The following SERINC5 variants were observed in gnomAD, a reference collection of about 807,000 sequenced individuals.
SERINC5 encodes the protein serine incorporator 5.
SERINC5 carries 41 observed loss-of-function variants against 63.1 expected under a neutral mutation model. The ratio of observed to expected loss-of-function variants is 0.65; its 90% CI spans 0.51 to 0.84. The LOEUF is 0.84. Among genes scored for constraint, SERINC5 ranks in the 40% least tolerant of loss-of-function variants. The pLI is 0.00. For synonymous variants in SERINC5, 222 were observed against 215.2 expected, an observed-to-expected ratio of 1.03 and a Z score of -0.28; for missense variants, 523 against 573.0, an observed-to-expected ratio of 0.91 and a Z score of 0.89.
At chr5:80,173,065 A>C (rs928299224) in intron 5 of SERINC5, among the ~76,000 whole-genome samples, 1 of 151,906 alleles carries the variant, frequency 6.6e-6, no homozygotes, top group Non-Finnish European at 1.5e-5. Flanking sequence ...CCATCCCCCA[A>C]ACCTGCTATT....
chr5:80,188,501 C>G (rs1748975530), intron 2 of SERINC5, among the ~76,000 whole-genome samples: 1 of 151,990 alleles, frequency 6.6e-6, no homozygotes, highest in Non-Finnish European at 1.5e-5. Flanking sequence ...TCTTTCTAGA[C>G]CCTTTGCTGT....
At chr5:80,198,725 C>G (rs1749653098) in intron 2 of SERINC5, 1 of 985,344 alleles carries the variant, frequency 1.0e-6, no homozygotes, top group Non-Finnish European at 1.2e-6. Context: ...AGGTCAGCCT[C>G]TCTTCTGTAG....
At chr5:80,119,353 C>A (rs1425297901) in intron 11 of SERINC5, among the ~76,000 whole-genome samples, 2 of 152,288 alleles carry the variant, frequency 1.3e-5, no homozygotes, top group South Asian at 2.1e-4. Flanking sequence ...ACTGGCTGAA[C>A]CAGTGGCCTA....
intron 6 of SERINC5, among the ~76,000 whole-genome samples, chr5:80,168,856 C>A (rs769119256): frequency 6.6e-6 from 1 of 152,210 alleles, no homozygotes; most frequent in Non-Finnish European, 1.5e-5. Flanking sequence ...AAGGTTAGCA[C>A]ATGGGCCAGC....
rs1748105934 is a variant in SERINC5, at chr5:80,177,404, G to T, written c.375-7C>A. ...AAGTTTAAAGAACCAAAAGCTAGAA[G>T]TGGGGGGAAAAAAAAGAGGAAATGT... On this transcript the variant is annotated splice_polypyrimidine_tract_variant and splice_region_variant and intron_variant, in intron 3 of 11. Transcript: ENST00000507668. 6.2e-7 allele frequency: 1 copy of T among 1,608,522 alleles called. No individual in the cohort carries two copies. The highest frequency in any genetic ancestry group is 1.3e-5 in the African/African-American group (1 of 74,564).
At chr5:80,168,280 C>T (rs891973368) in intron 6 of SERINC5, among the ~76,000 whole-genome samples, 11 of 151,948 alleles carry the variant, frequency 7.2e-5, no homozygotes, top group African/African-American at 2.7e-4. Context: ...CTGCAAGCCC[C>T]GCCTCCCGGG....
At chr5:80,166,316 T>G in intron 7 of SERINC5, 67 bp downstream of exon 7, 1 of 1,086,792 alleles carries the variant, frequency 9.2e-7, no homozygotes, top group Non-Finnish European at 1.4e-6. Flanking sequence ...ATTTAAACAA[T>G]AGCTCATTCC....
At chr5:80,210,750 G>A (rs1750396181) in intron 1 of SERINC5, among the ~76,000 whole-genome samples, 1 of 152,224 alleles carries the variant, frequency 6.6e-6, no homozygotes, top group East Asian at 1.9e-4. Context: ...AGGACAAACT[G>A]CTGGGGAGAA....
chr5:80,175,088 T>C (rs1438644082), intron 4 of SERINC5, 41 bp from the exon 5 acceptor site: 4 of 1,420,172 alleles, frequency 2.8e-6, no homozygotes, highest in Non-Finnish European at 3.9e-6. Flanking sequence ...CAACCTTTCG[T>C]TGTATTTTGC....
At chr5:80,127,636 A>G (rs760087878) in intron 11 of SERINC5, among the ~76,000 whole-genome samples, 2 of 152,100 alleles carry the variant, frequency 1.3e-5, no homozygotes, top group Non-Finnish European at 2.9e-5. Context: ...CTTATATTTT[A>G]TATATTTAAA....
chr5:80,164,908 C>CTTTTTTTTTTTTTT (rs1747171665), intron 7 of SERINC5, among the ~76,000 whole-genome samples: 1 of 89,994 alleles, frequency 1.1e-5, no homozygotes, highest in African/African-American at 5.2e-5. Context: ...AACTTTTTTT[C>CTTTTTTTTTTTTTT]TGTTTTTTTT....
At position 80,148,763 on chromosome 5, in the gene SERINC5, C is replaced by T. The variant is rs147023418; in HGVS notation, c.1054-1479G>A. 1.9e-3 allele frequency among the ~76,000 whole-genome samples: 296 copies of T among 152,208 alleles called. 3 individuals are homozygous for T. Among genetic ancestry groups the T allele is most frequent in the African/African-American group, 5.8e-3 (243 of 41,548 alleles). On this transcript the variant is annotated intron_variant, in intron 9 of 11. Coordinates refer to ENST00000507668, the MANE Select transcript of SERINC5 (RefSeq NM_001174072.3). ...CCTGGGAAGTGCAGGGCCCTTAGCA[C>T]TTTGTGGCTGAAGATATTTCAACTA...
chr5:80,248,134 G>A lies in SERINC5; in HGVS notation c.27+7762C>T, dbSNP rs898978678. Among the ~76,000 whole-genome samples the A allele has an allele frequency of 3.3e-5, 5 of 152,202 alleles. No individual in the cohort carries two copies. In the South Asian group the frequency reaches 8.3e-4, roughly 25 times the overall value. The stretch of plus-strand genomic sequence containing the variant: ...CTGAAAGTGCTGGGATTACAGGCAT[G>A]AGCCACCTTGCCTGGCCTCATGATG... On this transcript the variant is annotated intron_variant, in intron 1 of 11. Coordinates refer to ENST00000507668, the MANE Select transcript of SERINC5 (RefSeq NM_001174072.3).
intron 11 of SERINC5, among the ~76,000 whole-genome samples, chr5:80,117,642 GAAAA>G (rs11431034): frequency 8.0e-6 from 1 of 124,556 alleles, no homozygotes; most frequent in African/African-American, 3.0e-5. Context: ...TGTGGCTACT[GAAAA>G]AAAAAAAAAA....
intron 1 of SERINC5, among the ~76,000 whole-genome samples, chr5:80,219,417 T>C (rs575186562): frequency 2.6e-5 from 4 of 152,312 alleles, no homozygotes; most frequent in African/African-American, 7.2e-5. Context: ...TTCCCTCTTT[T>C]CACCCTTGAA....
rs941572275 is a variant in SERINC5, at chr5:80,124,692, G to A, written c.1239-11067C>T. ...CAAACCGGGTTCTCTGGTCCAAATG[G>A]CCAAAAACATGACCATGGACAGGGC... On this transcript the variant is annotated intron_variant, in intron 11 of 12. Coordinates refer to the SERINC5 transcript ENST00000509193. 2.0e-5 allele frequency among the ~76,000 whole-genome samples: 3 copies of A among 152,080 alleles called. No individual in the cohort carries two copies. The East Asian group carries it at 5.8e-4, about 29-fold the overall frequency.
chr5:80,159,931 A>C (rs1413790551), intron 7 of SERINC5, among the ~76,000 whole-genome samples: 3 of 152,146 alleles, frequency 2.0e-5, no homozygotes, highest in Non-Finnish European at 4.4e-5. Context: ...CTGTTTATTC[A>C]TATTCTTTAA....
At chr5:80,175,288 C>T (rs1377105524) in intron 4 of SERINC5, among the ~76,000 whole-genome samples, 1 of 152,166 alleles carries the variant, frequency 6.6e-6, no homozygotes, top group African/African-American at 2.4e-5. Flanking sequence ...TGAACACAGG[C>T]AGTCTGACCC....
intron 11 of SERINC5, 24 bp from the exon 12 acceptor site, chr5:80,143,834 G>C (rs777040901): frequency 2.6e-6 from 4 of 1,535,328 alleles, no homozygotes; most frequent in Non-Finnish European, 3.5e-6. Flanking sequence ...ACACCTAGCC[G>C]CGGTCAAAGC....
Sources: gnomAD v4.1 joint callset for allele counts (sites outside exome capture counted in the v4.1 genomes callset) on GRCh38, gnomAD v4.1.1 for gene constraint, MANE v1.5 for transcripts, NCBI Gene and HGNC (gene_info 2026-07-23, HGNC 2026-07-21) for gene names.